CYP39A1: variants seen among roughly 807,000 people sequenced by gnomAD.
CYP39A1 encodes cytochrome P450 family 39 subfamily A member 1, also known as 24-hydroxycholesterol 7-alpha-hydroxylase.
A neutral mutation model predicts 58.1 loss-of-function variants in CYP39A1; 49 were observed. That is an observed-to-expected ratio of 0.84 (90% confidence interval 0.67 to 1.07). CYP39A1 has a LOEUF of 1.07. Ranked by LOEUF, CYP39A1 falls within the 50% of genes least tolerant of loss-of-function variation. The pLI, the probability that CYP39A1 is intolerant of heterozygous loss-of-function variation, is 0.00. For missense variants in CYP39A1, 531 were observed against 539.4 expected, an observed-to-expected ratio of 0.98 and a Z score of 0.16; for synonymous variants, 209 against 187.6, an observed-to-expected ratio of 1.11 and a Z score of -0.93.
Position 46,652,779 on chromosome 6 carries a change from T to C in CYP39A1, c.-197A>G. On this transcript the variant is annotated 5_prime_UTR_variant, in exon 1 of 12. Transcript: ENST00000275016. ...TTTTCCATTGTCGCTCCCTCCCACCTCCACTTCTCTTTGAATCTCAGCCAG... is the reference window on the plus strand; with the variant it reads ...TTTTCCATTGTCGCTCCCTCCCACCCCCACTTCTCTTTGAATCTCAGCCAG... The C allele has an allele frequency of 3.9e-6, 2 of 516,436 alleles. No individual in the cohort carries two copies. The highest frequency in any genetic ancestry group is 3.3e-5 in the South Asian group (1 of 30,396). The allele number at this position is 516,436 out of a possible 1,614,324, so 32.0% of individuals were successfully genotyped here.
At chr6:46,566,820 A>G (rs1416733326) in intron 10 of CYP39A1, among the ~76,000 whole-genome samples, 4 of 150,258 alleles carry the variant, frequency 2.7e-5, no homozygotes, top group African/African-American at 1.0e-4. Context: ...TATTTAAAGC[A>G]CAAAATGAGA....
chr6:46,587,941 A>G, intron 9 of CYP39A1, 93 bp downstream of exon 9: 1 of 692,734 alleles, frequency 1.4e-6, no homozygotes, highest in South Asian at 2.5e-5. Flanking sequence ...TGGCTGCTTA[A>G]TTATATAGTC....
intron 8 of CYP39A1, among the ~76,000 whole-genome samples, chr6:46,589,093 C>T (rs1772652609): frequency 6.6e-6 from 1 of 152,074 alleles, no homozygotes; most frequent in African/African-American, 2.4e-5. Flanking sequence ...TTGAAATGTC[C>T]TCAAGATATT....
chr6:46,570,317 T>C (rs1172121119), intron 10 of CYP39A1, among the ~76,000 whole-genome samples: 1 of 152,166 alleles, frequency 6.6e-6, no homozygotes, highest in African/African-American at 2.4e-5. Flanking sequence ...GTTTTTCTAG[T>C]CTCTATTTCA....
At chr6:46,651,440 T>C (rs1762682181) in intron 1 of CYP39A1, among the ~76,000 whole-genome samples, 2 of 152,240 alleles carry the variant, frequency 1.3e-5, no homozygotes, top group African/African-American at 4.8e-5. Flanking sequence ...AAGAGTATTA[T>C]ACTATTATTC....
intron 7 of CYP39A1, among the ~76,000 whole-genome samples, chr6:46,616,126 T>C (rs1430655307): frequency 7.7e-4 from 1 of 1,304 alleles, no homozygotes; most frequent in African/African-American, 1.5e-3. Flanking sequence ...TTTCTTTTCT[T>C]TCTTTCTTTC....
chr6:46,580,145 C>A (rs528589664), intron 10 of CYP39A1, among the ~76,000 whole-genome samples: 1 of 152,040 alleles, frequency 6.6e-6, no homozygotes, highest in South Asian at 2.1e-4. Flanking sequence ...GATACTGGTA[C>A]AAAAACAGAC....
At chr6:46,638,086 AG>A in intron 3 of CYP39A1, 108 bp from the exon 4 acceptor site, 1 of 1,097,148 alleles carries the variant, frequency 9.1e-7, no homozygotes, top group Non-Finnish European at 1.3e-6. Flanking sequence ...AGCAGATAAT[AG>A]GTGACAGATT....
chr6:46,647,952 C>G (rs919500219), intron 1 of CYP39A1, among the ~76,000 whole-genome samples: 1 of 152,136 alleles, frequency 6.6e-6, no homozygotes, highest in Admixed American at 6.5e-5. Context: ...CAAATCAAAA[C>G]CACAATGAGA....
intron 2 of CYP39A1, 134 bp downstream of exon 2, chr6:46,642,029 C>T: frequency 1.0e-6 from 1 of 958,056 alleles, no homozygotes; most frequent in Non-Finnish European, 1.6e-6. Context: ...CTTTCCTCTT[C>T]TACCCATACC....
intron 10 of CYP39A1, among the ~76,000 whole-genome samples, chr6:46,566,494 C>CTCGTGAGAACTCACTCACTA (rs1771289558): frequency 6.6e-6 from 1 of 152,080 alleles, no homozygotes; most frequent in Non-Finnish European, 1.5e-5. Flanking sequence ...ACCATCAGAT[C>CTCGTGAGAACTCACTCACTA]TCGTGAGAAC....
At chr6:46,637,135 A>G (rs1196236615) in intron 4 of CYP39A1, among the ~76,000 whole-genome samples, 1 of 152,158 alleles carries the variant, frequency 6.6e-6, no homozygotes, top group African/African-American at 2.4e-5. Flanking sequence ...GCAACCCGGA[A>G]GGAGCCCTCA....
In CYP39A1 at chr6:46,590,250, A is replaced by G. The variant is rs191013432; in HGVS notation, c.1066-2121T>C. On this transcript the variant is annotated intron_variant, in intron 8 of 11. Coordinates refer to ENST00000275016, the MANE Select transcript of CYP39A1 (RefSeq NM_016593.5). Reference sequence around the variant, plus strand: ...AACTTCTGTGTGTTGCAAGAACTGCATCTCTCAGGTAGACAGAATTGAGCC... The same window carrying G: ...AACTTCTGTGTGTTGCAAGAACTGCGTCTCTCAGGTAGACAGAATTGAGCC... Among the ~76,000 whole-genome samples the G allele has an allele frequency of 1.9e-3, 287 of 152,308 alleles. 3 individuals carry two copies. The highest frequency in any genetic ancestry group is 3.4e-3 in the Middle Eastern group (1 of 294).
intron 7 of CYP39A1, among the ~76,000 whole-genome samples, chr6:46,614,266 C>G (rs1295273877): frequency 6.6e-6 from 1 of 152,090 alleles, no homozygotes; most frequent in Non-Finnish European, 1.5e-5. Flanking sequence ...TACATCCTCT[C>G]TAAATAAGGT....
At chr6:46,565,603 A>C (rs1250254777) in intron 10 of CYP39A1, among the ~76,000 whole-genome samples, 4 of 152,204 alleles carry the variant, frequency 2.6e-5, no homozygotes, top group African/African-American at 9.6e-5. Flanking sequence ...GTTGCTTTTC[A>C]TTTGCCATGG....
Position 46,587,598 on chromosome 6 carries a change from A to C in CYP39A1, c.1162-433T>G, listed in dbSNP as rs537369087. On this transcript the variant is annotated intron_variant, in intron 9 of 11. Coordinates refer to ENST00000275016, the MANE Select transcript of CYP39A1 (RefSeq NM_016593.5). Reference sequence around the variant, plus strand: ...AGTTTTACCTAAAGGCAGAGAACAGACTAAATGACCTCTTAACATTCTGTT... The same window carrying C: ...AGTTTTACCTAAAGGCAGAGAACAGCCTAAATGACCTCTTAACATTCTGTT... Among the ~76,000 whole-genome samples, 61 of 152,272 alleles carry C rather than the reference A, an allele frequency of 4.0e-4. No individual in the cohort carries two copies. In the Middle Eastern group the frequency reaches 0.014, roughly 34 times the overall value.
At chr6:46,615,094 G>C (rs1774445677) in intron 7 of CYP39A1, among the ~76,000 whole-genome samples, 1 of 152,042 alleles carries the variant, frequency 6.6e-6, no homozygotes, top group Non-Finnish European at 1.5e-5. Flanking sequence ...TTTCAAGGAA[G>C]GCAAGGAAAA....
chr6:46,633,561 A>G (rs1214705329), intron 5 of CYP39A1, among the ~76,000 whole-genome samples: 5 of 152,110 alleles, frequency 3.3e-5, no homozygotes, highest in African/African-American at 9.7e-5. Context: ...TAATATTAAT[A>G]TAAAAACATT....
At position 46,600,116 on chromosome 6, in the gene CYP39A1, C is replaced by A. The variant is rs535253411; in HGVS notation, c.932-3996G>T. ...CATACATAATAAGCCCCTTTCTTTT[C>A]TTTTCTTTTCTTTTTTCTTTTCTTT... is the stretch of plus-strand genomic sequence containing the variant. On this transcript the variant is annotated intron_variant, in intron 7 of 11. Transcript: ENST00000275016. Among the ~76,000 whole-genome samples the A allele has an allele frequency of 1.7e-4, 26 of 151,660 alleles. No homozygotes were observed. In the East Asian group the frequency reaches 4.7e-3, roughly 27 times the overall value.
Sources: allele counts gnomAD v4.1 joint callset (sites outside exome capture counted in the v4.1 genomes callset), GRCh38; gene constraint gnomAD v4.1.1; transcripts MANE v1.5; gene names NCBI Gene and HGNC (gene_info 2026-07-23, HGNC 2026-07-21).